CCDC141: variants seen among roughly 807,000 people sequenced by gnomAD.
The protein encoded by CCDC141 is coiled-coil domain-containing protein 141.
CCDC141 carries 168 observed loss-of-function variants against 181.0 expected under a neutral mutation model. That is an observed-to-expected ratio of 0.93 (90% CI 0.82 to 1.05). The LOEUF (loss-of-function observed/expected upper bound fraction) is 1.05. CCDC141 is among the 50% of genes least tolerant of loss of function. The pLI is 0.00. For synonymous variants in CCDC141, 666 were observed against 642.3 expected (o/e 1.04, Z -0.56); for missense variants, 1,902 against 1,788.5 (o/e 1.06, Z -1.14).
chr2:179,014,483 C>T (rs371631866), intron 2 of CCDC141, among the ~76,000 whole-genome samples: 1 of 152,096 alleles, frequency 6.6e-6, no homozygotes, highest in Admixed American at 6.5e-5. Context: ...AGTAAACAGA[C>T]AACCCACAGA....
At chr2:178,919,058 G>T (rs1340417068) in intron 6 of CCDC141, among the ~76,000 whole-genome samples, 151 bp from the exon 7 acceptor site, 1 of 152,146 alleles carries the variant, frequency 6.6e-6, no homozygotes, top group Non-Finnish European at 1.5e-5. Context: ...CCTTATGAAA[G>T]AGGCCTGAGA....
rs10198755 is a variant in CCDC141 at position 178,867,798 on chromosome 2, T to A, written c.2574+228A>T. ...CTACTATATAAATACTCTTTAAAAA[T>A]TTTTTTTCATGAAAATAGAGGTATT... On this transcript the variant is annotated intron_variant, in intron 16 of 23. Coordinates refer to ENST00000443758, the MANE Select transcript of CCDC141 (RefSeq NM_173648.4). 0.048 allele frequency among the ~76,000 whole-genome samples: 7,295 copies of A among 152,156 alleles called. 418 individuals are homozygous for A. The highest frequency in any genetic ancestry group is 0.16 in the South Asian group (792 of 4,820).
In CCDC141 at chr2:178,834,172, G is replaced by A. The variant is rs1172478067; in HGVS notation, c.*1C>T. The A allele has an allele frequency of 4.6e-6, 7 of 1,535,122 alleles. No homozygotes were observed. The highest frequency in any genetic ancestry group is 6.1e-6 in the Non-Finnish European group (7 of 1,145,918). On this transcript the variant is annotated 3_prime_UTR_variant, in exon 24 of 24. Transcript: ENST00000443758. ...GATGTCCATTGGTGCCAACACCACA[G>A]TTATTGTGTGAGGAGCCAGTACATT...
chr2:178,929,237 T>C (rs1271292710), intron 6 of CCDC141, among the ~76,000 whole-genome samples: 1 of 152,232 alleles, frequency 6.6e-6, no homozygotes, highest in African/African-American at 2.4e-5. Flanking sequence ...GCTGATTTAC[T>C]GAAGCAATAT....
chr2:178,923,352 C>T (rs182065281), intron 6 of CCDC141, among the ~76,000 whole-genome samples: 1 of 152,246 alleles, frequency 6.6e-6, no homozygotes, highest in East Asian at 1.9e-4. Flanking sequence ...GATCCGCCCG[C>T]CTCGGCCTCC....
At chr2:178,824,416 A>G in the CCDC141 span, among the ~76,000 whole-genome samples, 3 of 152,042 alleles carry the variant, frequency 2.0e-5, no homozygotes, top group African/African-American at 7.2e-5. Context: ...TGAGGTCAAG[A>G]GTTTGGGACC....
chr2:178,922,271 C>T (rs970939566), intron 6 of CCDC141, among the ~76,000 whole-genome samples: 2 of 152,146 alleles, frequency 1.3e-5, no homozygotes, highest in Non-Finnish European at 2.9e-5. Context: ...TTATTATCTT[C>T]ATTTTACAGA....
chr2:178,815,073 C>A, the CCDC141 span, among the ~76,000 whole-genome samples: 1 of 152,146 alleles, frequency 6.6e-6, no homozygotes, highest in South Asian at 2.1e-4. Context: ...TCTGTTGGCA[C>A]TTTAATCTTC....
intron 2 of CCDC141, among the ~76,000 whole-genome samples, chr2:178,999,535 C>T (rs1007383746): frequency 1.1e-4 from 16 of 152,206 alleles, no homozygotes; most frequent in African/African-American, 2.4e-4. Flanking sequence ...CAGCAACTCA[C>T]GAATCTTTCC....
intron 7 of CCDC141, among the ~76,000 whole-genome samples, chr2:178,912,308 G>A (rs74911159): frequency 0.057 from 8,609 of 152,180 alleles, 395 homozygotes; most frequent in Admixed American, 0.15. Context: ...ACACTCTTAC[G>A]TTAGAAATCC....
intron 2 of CCDC141, among the ~76,000 whole-genome samples, chr2:179,017,155 C>T (rs2042565510): frequency 6.6e-6 from 1 of 151,938 alleles, no homozygotes. Flanking sequence ...TTATTTACAA[C>T]AAAAGAAAGT....
Position 179,030,064 on chromosome 2 carries a change from T to C in CCDC141, c.225+17220A>G, listed in dbSNP as rs184208328. ...CAATACATTAAATGGCTATAAACAC[T>C]GATAGAACACTGAAGTTATTAGAGA... is the stretch of plus-strand genomic sequence containing the variant. On this transcript the variant is annotated intron_variant, in intron 2 of 23. Coordinates refer to ENST00000443758, the MANE Select transcript of CCDC141 (RefSeq NM_173648.4). Among the ~76,000 whole-genome samples the C allele has an allele frequency of 2.0e-5, 3 of 152,234 alleles. No individual in the cohort carries two copies. The East Asian group carries it at 5.8e-4, about 29-fold the overall frequency.
intron 1 of CCDC141, among the ~76,000 whole-genome samples, chr2:179,048,215 A>T (rs340338): frequency 6.6e-6 from 1 of 152,120 alleles, no homozygotes; most frequent in African/African-American, 2.4e-5. Flanking sequence ...AGAAAAATGT[A>T]TTTCTATTTT....
rs571300919 is a variant in CCDC141 at position 178,911,656 on chromosome 2, G to A, written c.1093-6155C>T. ...AATATTAGACTGATTTTATAAAAGA[G>A]AAAACTCAAGCTCAAAATGTAAATT... On this transcript the variant is annotated intron_variant, in intron 7 of 23. Transcript: ENST00000443758. Among the ~76,000 whole-genome samples the A allele has an allele frequency of 2.6e-5, 4 of 152,292 alleles. No homozygotes were observed. In the South Asian group the frequency reaches 6.2e-4, roughly 24 times the overall value.
Position 178,994,227 on chromosome 2 carries a change from C to A in CCDC141, c.226-15552G>T, listed in dbSNP as rs1692181939. On this transcript the variant is annotated intron_variant, in intron 2 of 23. Coordinates refer to ENST00000443758, the MANE Select transcript of CCDC141 (RefSeq NM_173648.4). ...GCCCTAGCAGTGACCTCCATGAGGG[C>A]CCTGCCCCTGCGGCAAATTTCTGCA... Among the ~76,000 whole-genome samples the A allele has an allele frequency of 2.6e-5, 4 of 152,324 alleles. No individual in the cohort carries two copies. The South Asian group carries it at 8.3e-4, about 32-fold the overall frequency.
intron 10 of CCDC141, among the ~76,000 whole-genome samples, chr2:178,885,311 A>G (rs1356695376): frequency 6.6e-6 from 1 of 152,016 alleles, no homozygotes. Flanking sequence ...TATCAGCTAT[A>G]CTTATTTTGA....
intron 11 of CCDC141, among the ~76,000 whole-genome samples, chr2:178,883,914 G>A (rs13013677): frequency 0.084 from 12,841 of 152,016 alleles, 618 homozygotes; most frequent in African/African-American, 0.13. Context: ...GCTCTGAGGG[G>A]TAACATATGA....
chr2:178,873,994 T>C (rs545694965), intron 12 of CCDC141: 98 of 152,308 alleles, frequency 6.4e-4, no homozygotes, highest in African/African-American at 2.2e-3. Context: ...TCTCTGATCT[T>C]AATGATTTTT....
chr2:178,872,845 G>A (rs1033373815), intron 12 of CCDC141, among the ~76,000 whole-genome samples: 1 of 152,126 alleles, frequency 6.6e-6, no homozygotes, highest in Non-Finnish European at 1.5e-5. Flanking sequence ...GAACTGAAAT[G>A]AGTCTGTATC....
Sources: allele counts gnomAD v4.1 joint callset (sites outside exome capture counted in the v4.1 genomes callset), GRCh38; gene constraint gnomAD v4.1.1; transcripts MANE v1.5; gene names NCBI Gene and HGNC (gene_info 2026-07-23, HGNC 2026-07-21).